CDH13: variants seen among roughly 807,000 people sequenced by gnomAD.
CDH13 encodes the protein cadherin 13.
Under a neutral mutation model 63.8 loss-of-function variants are expected in CDH13, and 24 were observed. That is an observed-to-expected ratio of 0.38 (90% CI 0.27 to 0.53). The LOEUF is 0.53. Among genes scored for constraint, CDH13 ranks in the 20% least tolerant of loss-of-function variants. The pLI is 0.85. For missense variants in CDH13, 1,049 were observed against 903.1 expected (o/e 1.16, Z -2.07); for synonymous variants, 503 against 355.3 (o/e 1.42, Z -4.67).
At chr16:83,098,479 C>G (rs2034312410) in intron 3 of CDH13, among the ~76,000 whole-genome samples, 2 of 152,146 alleles carry the variant, frequency 1.3e-5, no homozygotes, top group African/African-American at 4.8e-5. Flanking sequence ...ATATATCCAT[C>G]CAACATTATT....
intron 7 of CDH13, among the ~76,000 whole-genome samples, chr16:83,591,340 A>G (rs1384026375): frequency 1.3e-5 from 2 of 152,216 alleles, no homozygotes; most frequent in African/African-American, 2.4e-5. Flanking sequence ...GTACTTGAGC[A>G]TCTCAATTAC....
rs756382219 is a variant in CDH13 at position 83,217,323 on chromosome 16, GTC to G, written c.484-16_484-15del. The G allele has an allele frequency of 2.1e-5, 34 of 1,613,250 alleles. No individual in the cohort carries two copies. Among genetic ancestry groups the G allele is most frequent in the Non-Finnish European group, 2.8e-5 (33 of 1,179,630 alleles). On this transcript the variant is annotated intron_variant, in intron 4 of 13. Transcript: ENST00000567109. ...CTGTGTTTTCCAGGCAGTTTTAAAT[GTC>G]TCTCTGTTTTTCTGACTAGGTAGTC...
At chr16:83,511,530 T>G (rs1321136095) in intron 7 of CDH13, among the ~76,000 whole-genome samples, 1 of 151,844 alleles carries the variant, frequency 6.6e-6, no homozygotes, top group Non-Finnish European at 1.5e-5. Flanking sequence ...CACCTACACA[T>G]ACACTCATAC....
chr16:83,508,031 G>A (rs7194653), intron 7 of CDH13, among the ~76,000 whole-genome samples: 64,038 of 134,648 alleles, frequency 0.48, 15,929 homozygotes, highest in East Asian at 0.83. Context: ...ACATTCGGTC[G>A]AAAGAAAGAA....
intron 1 of CDH13, among the ~76,000 whole-genome samples, chr16:82,854,585 A>G (rs1039911790): frequency 1.3e-5 from 2 of 152,220 alleles, no homozygotes; most frequent in Admixed American, 1.3e-4. Flanking sequence ...GCCACAAAAT[A>G]ATTCACGTGT....
intron 1 of CDH13, among the ~76,000 whole-genome samples, chr16:82,653,654 G>C (rs772103865): frequency 2.4e-4 from 37 of 152,140 alleles, no homozygotes; most frequent in African/African-American, 9.7e-5. Flanking sequence ...AGCCAGGGAG[G>C]GGGTGGATTG....
At chr16:83,050,080 A>G (rs1597223941) in intron 3 of CDH13, among the ~76,000 whole-genome samples, 1 of 152,178 alleles carries the variant, frequency 6.6e-6, no homozygotes, top group African/African-American at 2.4e-5. Flanking sequence ...TCTGGATTTC[A>G]TTAAGATACT....
intron 1 of CDH13, among the ~76,000 whole-genome samples, chr16:82,830,735 C>G (rs764383352): frequency 3.9e-5 from 6 of 152,120 alleles, no homozygotes; most frequent in Non-Finnish European, 8.8e-5. Context: ...GTTGAATAGA[C>G]CAATACCTTG....
chr16:82,850,398 T>A (rs2039434298), intron 1 of CDH13, among the ~76,000 whole-genome samples: 2 of 152,236 alleles, frequency 1.3e-5, no homozygotes. Flanking sequence ...TGTGAATTGC[T>A]GCAAGCTCAT....
At chr16:83,351,827 G>A (rs778508550) in intron 6 of CDH13, among the ~76,000 whole-genome samples, 1 of 152,118 alleles carries the variant, frequency 6.6e-6, no homozygotes, top group African/African-American at 2.4e-5. Context: ...CTGTATCTTG[G>A]CTAAGCTTGT....
At chr16:83,143,603 T>G (rs944219810) in intron 4 of CDH13, among the ~76,000 whole-genome samples, 2 of 152,188 alleles carry the variant, frequency 1.3e-5, no homozygotes, top group Non-Finnish European at 1.5e-5. Flanking sequence ...ACATACTCAT[T>G]TATCAATGGA....
intron 1 of CDH13, among the ~76,000 whole-genome samples, chr16:82,765,831 G>C (rs1024013689): frequency 6.6e-6 from 1 of 152,128 alleles, no homozygotes; most frequent in Non-Finnish European, 1.5e-5. Context: ...GGCCCTGTAA[G>C]TTCTTGGATA....
In CDH13 at chr16:83,486,536, C is replaced by G. The variant is rs1173237395; in HGVS notation, c.841C>G (p.Leu281Val). The G allele has an allele frequency of 1.2e-6, 2 of 1,613,802 alleles. No individual in the cohort carries two copies. The highest frequency in any genetic ancestry group is 3.3e-5 in the Admixed American group (2 of 60,002). The change falls in exon 7 of 14, where the codon CTC becomes GTC. Residue 281 changes from leucine (L) to valine (V), a missense_variant. By Grantham distance (32) the Leu-to-Val change is conservative (BLOSUM62 1). Coordinates refer to ENST00000567109, the MANE Select transcript of CDH13 (RefSeq NM_001257.5). Reference sequence around the variant, plus strand: ...AGATGACCCAGCCACCGATAATGCCCTCCTGCGGTATAATATCCGTCAGCA... The same window carrying G: ...AGATGACCCAGCCACCGATAATGCCGTCCTGCGGTATAATATCCGTCAGCA... Reference protein sequence around the residue: ...DADDPATDNALLRYNIRQQTP... With the variant: ...DADDPATDNAVLRYNIRQQTP...
chr16:82,896,193 G>T (rs1285836491), intron 2 of CDH13, among the ~76,000 whole-genome samples: 1 of 151,018 alleles, frequency 6.6e-6, no homozygotes, highest in Non-Finnish European at 1.5e-5. Flanking sequence ...CTTGTTAACG[G>T]GTGTATTTCC....
chr16:83,308,154 A>G (rs914475787), intron 5 of CDH13, among the ~76,000 whole-genome samples: 11 of 152,194 alleles, frequency 7.2e-5, no homozygotes, highest in African/African-American at 2.4e-4. Flanking sequence ...TTACTATTCA[A>G]TATATTTTTT....
chr16:83,048,664 A>T (rs2029917069), intron 3 of CDH13, among the ~76,000 whole-genome samples: 1 of 152,072 alleles, frequency 6.6e-6, no homozygotes, highest in Admixed American at 6.6e-5. Context: ...CCTCCCTCTC[A>T]GAGAAAGACC....
intron 1 of CDH13, among the ~76,000 whole-genome samples, chr16:82,772,235 C>T (rs1311044666): frequency 6.6e-6 from 1 of 152,138 alleles, no homozygotes; most frequent in African/African-American, 2.4e-5. Flanking sequence ...GGGCTCCCTT[C>T]CCTCCACCCA....
intron 4 of CDH13, among the ~76,000 whole-genome samples, chr16:83,199,323 G>A (rs2038961135): frequency 6.6e-6 from 1 of 152,208 alleles, no homozygotes; most frequent in South Asian, 2.1e-4. Context: ...TGCTCCTTGA[G>A]GAGATGTCTA....
chr16:83,266,050 C>A (rs1907579245), intron 5 of CDH13, among the ~76,000 whole-genome samples: 1 of 152,122 alleles, frequency 6.6e-6, no homozygotes, highest in Non-Finnish European at 1.5e-5. Flanking sequence ...GATTCTCCTG[C>A]CTCAGCATCC....
Sources: allele counts gnomAD v4.1 joint callset (sites outside exome capture counted in the v4.1 genomes callset), GRCh38; gene constraint gnomAD v4.1.1; transcripts MANE v1.5; gene names NCBI Gene and HGNC (gene_info 2026-07-23, HGNC 2026-07-21).